The following DPP10 variants were observed in gnomAD, a reference collection of about 807,000 sequenced individuals.
DPP10 encodes dipeptidyl peptidase like 10, also known as inactive dipeptidyl peptidase 10.
DPP10 carries 33 observed loss-of-function variants against 120.9 expected under a neutral mutation model. The ratio of observed to expected loss-of-function variants is 0.27; its 90% confidence interval spans 0.21 to 0.37. The LOEUF is 0.37. DPP10 is among the 10% of genes least tolerant of loss of function. The pLI is 1.00. For missense variants in DPP10, 816 were observed against 942.8 expected, an observed-to-expected ratio of 0.87 and a Z score of 1.76; for synonymous variants, 337 against 326.1, an observed-to-expected ratio of 1.03 and a Z score of -0.36.
intron 7 of DPP10, 61 bp from the exon 8 acceptor site, chr2:115,727,755 A>G: frequency 6.6e-7 from 1 of 1,512,926 alleles, no homozygotes; most frequent in Non-Finnish European, 8.8e-7. Context: ...TGTAATATTA[A>G]AGTTTCAAAA....
At chr2:114,670,992 G>A (rs1698299233) in intron 1 of DPP10, among the ~76,000 whole-genome samples, 1 of 152,092 alleles carries the variant, frequency 6.6e-6, no homozygotes, top group Admixed American at 6.6e-5. Context: ...ACATTAAGGA[G>A]AAGACACAAG....
intron 3 of DPP10, among the ~76,000 whole-genome samples, chr2:115,400,408 G>A (rs1475846828): frequency 2.6e-5 from 4 of 151,602 alleles, no homozygotes; most frequent in Non-Finnish European, 4.4e-5. Context: ...GCATGAAGAT[G>A]TTGTCACATT....
At chr2:115,706,883 G>A (rs1362930701) in intron 7 of DPP10, among the ~76,000 whole-genome samples, 1 of 151,954 alleles carries the variant, frequency 6.6e-6, no homozygotes, top group Non-Finnish European at 1.5e-5. Flanking sequence ...TTAATGTCGA[G>A]ACTCTTCATG....
At chr2:115,741,548 A>G (rs542717672) in intron 9 of DPP10, among the ~76,000 whole-genome samples, 132 of 152,190 alleles carry the variant, frequency 8.7e-4, no homozygotes, top group African/African-American at 3.0e-3. Flanking sequence ...GATTTATGAT[A>G]ATAAATGTTC....
intron 1 of DPP10, among the ~76,000 whole-genome samples, chr2:114,559,329 C>A (rs918037679): frequency 1.3e-5 from 2 of 152,164 alleles, no homozygotes; most frequent in Non-Finnish European, 2.9e-5. Context: ...CAGAGTGATG[C>A]AGTTGCTCCC....
intron 1 of DPP10, among the ~76,000 whole-genome samples, chr2:115,182,653 T>C (rs1361033868): frequency 2.0e-5 from 3 of 152,034 alleles, no homozygotes; most frequent in Non-Finnish European, 2.9e-5. Context: ...CTCCTTTCTA[T>C]GGAATATAAC....
chr2:115,204,553 G>T (rs2055983652), intron 1 of DPP10, among the ~76,000 whole-genome samples: 1 of 152,136 alleles, frequency 6.6e-6, no homozygotes, highest in Admixed American at 6.5e-5. Flanking sequence ...CACTAAAGCA[G>T]ATGTTACCAC....
At chr2:114,489,324 G>C (rs1459628426) in intron 1 of DPP10, among the ~76,000 whole-genome samples, 1 of 152,030 alleles carries the variant, frequency 6.6e-6, no homozygotes, top group Admixed American at 6.5e-5. Context: ...CTTGGGCCAA[G>C]TTCAGCTGTC....
At chr2:115,366,665 G>A (rs996984728) in intron 3 of DPP10, among the ~76,000 whole-genome samples, 7 of 152,058 alleles carry the variant, frequency 4.6e-5, no homozygotes, top group African/African-American at 1.7e-4. Context: ...AGGAAGGTCT[G>A]TCTATCTAGA....
intron 1 of DPP10, among the ~76,000 whole-genome samples, chr2:114,821,906 T>A (rs1179463896): frequency 6.6e-6 from 1 of 152,120 alleles, no homozygotes; most frequent in Non-Finnish European, 1.5e-5. Context: ...AGAGTACAGC[T>A]CCCCTCTTGG....
intron 5 of DPP10, among the ~76,000 whole-genome samples, chr2:115,583,766 A>C (rs995037857): frequency 6.6e-6 from 1 of 152,122 alleles, no homozygotes; most frequent in Non-Finnish European, 1.5e-5. Flanking sequence ...ACATCACCAA[A>C]TTTGTGGCCA....
intron 1 of DPP10, among the ~76,000 whole-genome samples, chr2:115,133,848 C>T (rs149045318): frequency 3.3e-5 from 5 of 152,280 alleles, no homozygotes; most frequent in Admixed American, 2.6e-4. Context: ...ATTCACCCCA[C>T]GATACCTAGC....
chr2:115,772,574 G>A (rs1228470296), intron 13 of DPP10, among the ~76,000 whole-genome samples: 1 of 152,030 alleles, frequency 6.6e-6, no homozygotes, highest in Non-Finnish European at 1.5e-5. Context: ...AGAGTGTTTT[G>A]TACACGTATT....
intron 1 of DPP10, among the ~76,000 whole-genome samples, chr2:114,906,936 G>T (rs939858574): frequency 6.6e-6 from 1 of 152,078 alleles, no homozygotes; most frequent in Non-Finnish European, 1.5e-5. Context: ...ATTTTCTCTA[G>T]AATTTACTAA....
intron 3 of DPP10, among the ~76,000 whole-genome samples, chr2:115,359,536 T>A (rs1402162874): frequency 6.6e-6 from 1 of 152,160 alleles, no homozygotes; most frequent in African/African-American, 2.4e-5. Context: ...ACCCTTTTCT[T>A]TAGCTGCCTT....
intron 1 of DPP10, among the ~76,000 whole-genome samples, chr2:115,216,600 A>AT (rs1402360270): frequency 6.6e-6 from 1 of 152,070 alleles, no homozygotes; most frequent in Non-Finnish European, 1.5e-5. Flanking sequence ...CCTGGCCAAC[A>AT]TGGTGAAACC....
At chr2:114,507,266 C>A (rs1192122364) in intron 1 of DPP10, among the ~76,000 whole-genome samples, 1 of 152,072 alleles carries the variant, frequency 6.6e-6, no homozygotes, top group African/African-American at 2.4e-5. Context: ...CCCGGCTGGC[C>A]TCAAATTCCT....
At chr2:115,143,482 T>A (rs549566807) in intron 1 of DPP10, among the ~76,000 whole-genome samples, 1 of 152,138 alleles carries the variant, frequency 6.6e-6, no homozygotes, top group African/African-American at 2.4e-5. Flanking sequence ...TGAGGCAAAA[T>A]AAATGGCAGG....
chr2:115,184,216 T>C (rs2054274420), intron 1 of DPP10, among the ~76,000 whole-genome samples: 1 of 152,178 alleles, frequency 6.6e-6, no homozygotes, highest in African/African-American at 2.4e-5. Context: ...AGTTAGTATT[T>C]TAAACGTGTG....
Sources: gnomAD v4.1 joint callset for allele counts (sites outside exome capture counted in the v4.1 genomes callset) on GRCh38, gnomAD v4.1.1 for gene constraint, MANE v1.5 for transcripts, NCBI Gene and HGNC (gene_info 2026-07-23, HGNC 2026-07-21) for gene names.